MAP6D1: variants seen among roughly 807,000 people sequenced by gnomAD.
MAP6D1 encodes the protein MAP6 domain containing 1, also known as MAP6 domain-containing protein 1.
A neutral mutation model predicts 17.4 loss-of-function variants in MAP6D1; 13 were observed. That is an observed-to-expected ratio of 0.75 (90% CI 0.49 to 1.19). MAP6D1 has a LOEUF of 1.19. Ranked by LOEUF, MAP6D1 falls within the 50% of genes most tolerant of loss-of-function variation. The pLI is 0.00. For synonymous variants in MAP6D1, 141 were observed against 145.7 expected, an observed-to-expected ratio of 0.97 and a Z score of 0.23; for missense variants, 313 against 312.6, an observed-to-expected ratio of 1.00 and a Z score of -0.01.
In MAP6D1 at chr3:183,825,554, C is replaced by T; in HGVS notation, c.-7G>A. On this transcript the variant is annotated 5_prime_UTR_variant, in exon 1 of 3. Transcript: ENST00000318631. The stretch of plus-strand genomic sequence containing the variant: ...TGATACAGGGCCACGCCATGCCAGC[C>T]CCGGCGCCCGCCGCCCCGCTCCCGG... 8.3e-7 allele frequency: 1 copy of T among 1,211,694 alleles called. No individual in the cohort carries two copies. Among genetic ancestry groups the T allele is most frequent in the Non-Finnish European group, 1.0e-6 (1 of 976,622 alleles). The allele number at this position is 1,211,694 out of a possible 1,614,324, so 75.1% of individuals were successfully genotyped here. A position where few individuals can be genotyped will look rare whatever the true frequency, so the allele number is the denominator to read the frequency against.
Position 183,825,467 on chromosome 3 carries a change from C to T in MAP6D1, c.81G>A (p.Pro27=), listed in dbSNP as rs1181584379. 3.5e-6 allele frequency: 5 copies of T among 1,431,056 alleles called. No individual in the cohort carries two copies. The highest frequency in any genetic ancestry group is 5.7e-5 in the Admixed American group (2 of 35,292). The allele number at this position is 1,431,056 out of a possible 1,614,324, so 88.6% of individuals were successfully genotyped here. The change falls in exon 1 of 3, where the codon CCG becomes CCA. Residue 27 remains proline, a synonymous_variant. Coordinates refer to ENST00000318631, the MANE Select transcript of MAP6D1 (RefSeq NM_024871.4). ...GGTCCGAGTAGCCGTGCAGAGTGAG[C>T]GGCACCGCCACGTCGGAGCGGTCCA... ...NQLDRSDVAV[P]LTLHGYSDLD...
chr3:183,818,191 C>T, intron 1 of MAP6D1, 80 bp from the exon 2 acceptor site: 1 of 1,146,716 alleles, frequency 8.7e-7, no homozygotes, highest in Admixed American at 1.8e-5. Context: ...CTGCTCTGCC[C>T]CATGCACGGC....
At position 183,817,451 on chromosome 3, in the gene MAP6D1, G is replaced by T; in HGVS notation, c.520-15C>A. 1 of 1,555,708 alleles carries T rather than the reference G, an allele frequency of 6.4e-7. No individual in the cohort carries two copies. The highest frequency in any genetic ancestry group is 8.7e-7 in the Non-Finnish European group (1 of 1,148,518). On this transcript the variant is annotated splice_polypyrimidine_tract_variant and intron_variant, in intron 2 of 2. Transcript: ENST00000318631. The stretch of plus-strand genomic sequence containing the variant: ...ACCTCTGGGACCTGAAAAATGAAGT[G>T]TGGCCACATATCAGTGGGACTTTTC...
intron 1 of MAP6D1, among the ~76,000 whole-genome samples, chr3:183,822,572 C>T (rs1232445148): frequency 6.6e-6 from 1 of 152,230 alleles, no homozygotes; most frequent in Non-Finnish European, 1.5e-5. Context: ...GTACCACCAC[C>T]ATTATCAAGA....
At chr3:183,818,218 A>C in intron 1 of MAP6D1, 107 bp from the exon 2 acceptor site, 1 of 890,180 alleles carries the variant, frequency 1.1e-6, no homozygotes. Flanking sequence ...AATTGCTGAA[A>C]CCCTCGGCTC....
At chr3:183,823,748 C>T (rs1344106787) in intron 1 of MAP6D1, among the ~76,000 whole-genome samples, 3 of 152,158 alleles carry the variant, frequency 2.0e-5, no homozygotes, top group African/African-American at 4.8e-5. Context: ...GAGATTGCAC[C>T]ACTGCACTCC....
chr3:183,821,455 G>A (rs576393571), intron 1 of MAP6D1, among the ~76,000 whole-genome samples: 10 of 151,982 alleles, frequency 6.6e-5, no homozygotes, highest in African/African-American at 2.4e-4. Flanking sequence ...CAGAGAAGGC[G>A]ACAGCTAGTA....
chr3:183,822,671 TG>T lies in MAP6D1; in HGVS notation c.401+2475del, dbSNP rs531781297. ...TCGCTGGGGGACAGTGGTTGCAGGGTGGGTCTTGCATTCACTGACACGTCCT... is the reference window on the plus strand; with the variant it reads ...TCGCTGGGGGACAGTGGTTGCAGGGTGGTCTTGCATTCACTGACACGTCCT... On this transcript the variant is annotated intron_variant, in intron 1 of 2. Coordinates refer to ENST00000318631, the MANE Select transcript of MAP6D1 (RefSeq NM_024871.4). 2.6e-3 allele frequency among the ~76,000 whole-genome samples: 402 copies of T among 152,186 alleles called. 1 individual carries two copies. The highest frequency in any genetic ancestry group is 4.9e-3 in the Non-Finnish European group (332 of 68,000).
chr3:183,825,090 C>CCCGGCGGCGGA, intron 1 of MAP6D1, 57 bp downstream of exon 1: 1 of 1,303,262 alleles, frequency 7.7e-7, no homozygotes, highest in Non-Finnish European at 9.8e-7. Context: ...GGCTCCGGGC[C>CCCGGCGGCGGA]TCCGCGTCCT....
At chr3:183,825,107 A>G in intron 1 of MAP6D1, 40 bp downstream of exon 1, 1 of 1,337,666 alleles carries the variant, frequency 7.5e-7, no homozygotes, top group Non-Finnish European at 9.6e-7. Context: ...TCCTCCCACC[A>G]CAGGGTGGGG....
chr3:183,819,082 G>A (rs865795846), intron 1 of MAP6D1, among the ~76,000 whole-genome samples: 6 of 152,358 alleles, frequency 3.9e-5, no homozygotes, highest in African/African-American at 7.2e-5. Context: ...TGGCACCCAC[G>A]TGTGCGGAGT....
chr3:183,822,213 C>T (rs1026386648), intron 1 of MAP6D1, among the ~76,000 whole-genome samples: 2 of 149,104 alleles, frequency 1.3e-5, no homozygotes, highest in African/African-American at 5.0e-5. Context: ...TTGAGACCAG[C>T]CTGGGCAACA....
rs1363765614 is a variant in MAP6D1, at chr3:183,825,543, G to A, written c.5C>T (p.Ala2Val). The A allele has an allele frequency of 2.4e-6, 3 of 1,239,296 alleles. No individual in the cohort carries two copies. Among genetic ancestry groups the A allele is most frequent in the Non-Finnish European group, 3.0e-6 (3 of 992,840 alleles). 76.8% of individuals were successfully genotyped at this position (1,239,296 alleles called of 1,614,324 possible). The change falls in exon 1 of 3, where the codon GCG (alanine) becomes GTG (valine). Residue 2 changes from alanine (A) to valine (V), a missense_variant. By Grantham distance (64) the Ala-to-Val change is moderately conservative. Transcript: ENST00000318631. Reference protein sequence around the residue: MAWPCISRLCCL... With the variant: MVWPCISRLCCL... The stretch of plus-strand genomic sequence containing the variant: ...GCACAGGCGGCTGATACAGGGCCAC[G>A]CCATGCCAGCCCCGGCGCCCGCCGC...
At chr3:183,821,580 C>G (rs367813453) in intron 1 of MAP6D1, among the ~76,000 whole-genome samples, 5 of 127,532 alleles carry the variant, frequency 3.9e-5, no homozygotes, top group East Asian at 4.8e-4. Context: ...GAGTCTCGCT[C>G]TATTGCCCAG....
At chr3:183,823,428 C>G (rs1307775627) in intron 1 of MAP6D1, among the ~76,000 whole-genome samples, 1 of 151,866 alleles carries the variant, frequency 6.6e-6, no homozygotes, top group African/African-American at 2.4e-5. Flanking sequence ...GGTGAAACCC[C>G]ATCTCTACTA....
Position 183,817,323 on chromosome 3 carries a change from C to T in MAP6D1, c.*33G>A. ...CCTGAGGCCGCTCCCCAGCCCTGTC[C>T]TGTCGGCAGCCATGGTGTCACGGTG... On this transcript the variant is annotated 3_prime_UTR_variant, in exon 3 of 3. Transcript: ENST00000318631. 1 of 1,549,764 alleles carries T rather than the reference C, an allele frequency of 6.5e-7. No homozygotes were observed. Among genetic ancestry groups the T allele is most frequent in the Non-Finnish European group, 8.7e-7 (1 of 1,145,526 alleles).
At chr3:183,817,557 C>T in intron 2 of MAP6D1, 121 bp from the exon 3 acceptor site, 1 of 887,386 alleles carries the variant, frequency 1.1e-6, no homozygotes, top group East Asian at 2.7e-5. Context: ...GAGTTGAGAC[C>T]TGAAGGGTCA....
Position 183,816,934 on chromosome 3 carries a change from T to G in MAP6D1, c.*422A>C. 5.0e-6 allele frequency: 1 copy of G among 200,684 alleles called. No homozygotes were observed. 12.4% of individuals were successfully genotyped at this position (200,684 alleles called of 1,614,324 possible). On this transcript the variant is annotated 3_prime_UTR_variant, in exon 3 of 3. Coordinates refer to ENST00000318631, the MANE Select transcript of MAP6D1 (RefSeq NM_024871.4). ...GAAGAGCCAAGGGTCTCACTGTAGGTTATGAAATTAATCAAGTGCTCACGC... is the reference window on the plus strand; with the variant it reads ...GAAGAGCCAAGGGTCTCACTGTAGGGTATGAAATTAATCAAGTGCTCACGC...
rs977924964 is a variant in MAP6D1 at position 183,817,082 on chromosome 3, G to C, written c.*274C>G. ...TGACTTGATCCTCAGGCTCCTCAGA[G>C]ATTTCAAAACTGAGAGACGGCCAGA... On this transcript the variant is annotated 3_prime_UTR_variant, in exon 3 of 3. Coordinates refer to ENST00000318631, the MANE Select transcript of MAP6D1 (RefSeq NM_024871.4). 2 of 454,954 alleles carry C rather than the reference G, an allele frequency of 4.4e-6. No individual in the cohort carries two copies. The highest frequency in any genetic ancestry group is 4.0e-5 in the African/African-American group (2 of 49,830). 28.2% of individuals were successfully genotyped at this position (454,954 alleles called of 1,614,324 possible). A position where few individuals can be genotyped will look rare whatever the true frequency, so the allele number is the denominator to read the frequency against.
Sources: gnomAD v4.1 joint callset for allele counts (sites outside exome capture counted in the v4.1 genomes callset) on GRCh38, gnomAD v4.1.1 for gene constraint, MANE v1.5 for transcripts, NCBI Gene and HGNC (gene_info 2026-07-23, HGNC 2026-07-21) for gene names.